The following CELF2 variants were observed in gnomAD, a reference collection of about 807,000 sequenced individuals.
CELF2 encodes CUGBP Elav-like family member 2, also known as CUG triplet repeat RNA-binding protein 2.
CELF2 carries 8 observed loss-of-function variants against 62.6 expected under a neutral mutation model. The observed-to-expected ratio is 0.13, with a 90% CI of 0.07 to 0.23. The LOEUF (loss-of-function observed/expected upper bound fraction) is 0.23. Among genes scored for constraint, CELF2 ranks in the 10% least tolerant of loss-of-function variants. CELF2 has a pLI of 1.00. For missense variants in CELF2, 333 were observed against 671.0 expected (o/e 0.50, Z 5.56); for synonymous variants, 258 against 250.0 (o/e 1.03, Z -0.30).
intron 1 of CELF2, among the ~76,000 whole-genome samples, chr10:10,845,030 G>C (rs1327909614): frequency 1.3e-5 from 2 of 152,110 alleles, no homozygotes; most frequent in African/African-American, 2.4e-5. Context: ...CTCAAGGACA[G>C]GAATGGGCTT....
At chr10:10,899,357 T>A (rs1379612305) in intron 1 of CELF2, among the ~76,000 whole-genome samples, 2 of 152,110 alleles carry the variant, frequency 1.3e-5, no homozygotes, top group African/African-American at 4.8e-5. Context: ...GCACAGTTTA[T>A]GAATATAGAA....
In CELF2 at chr10:11,290,839, A is replaced by C. The variant is rs1256250183; in HGVS notation, c.976+2287A>C. Among the ~76,000 whole-genome samples the C allele has an allele frequency of 6.6e-6, 1 of 152,224 alleles. No individual in the cohort carries two copies. Among genetic ancestry groups the C allele is most frequent in the Non-Finnish European group, 1.5e-5 (1 of 68,048 alleles). ...TAATAACTGAAAGTATTTTATTAGA[A>C]TCCTAAAGTGTAGCAGCAGCAATGA... is the stretch of plus-strand genomic sequence containing the variant. On this transcript the variant is annotated intron_variant, in intron 9 of 12. Coordinates refer to ENST00000633077, the MANE Select transcript of CELF2 (RefSeq NM_001326342.2). The surrounding 1 kb of genome is among the most constrained non-coding windows in gnomAD (Gnocchi z 4.3).
chr10:11,140,704 T>G, intron 1 of CELF2, among the ~76,000 whole-genome samples: 1 of 152,178 alleles, frequency 6.6e-6, no homozygotes, highest in East Asian at 1.9e-4. Context: ...TTTAGGATAG[T>G]GCCAGTCACT....
chr10:11,190,250 C>T (rs1045383538), intron 2 of CELF2, among the ~76,000 whole-genome samples: 43 of 152,180 alleles, frequency 2.8e-4, no homozygotes, highest in Non-Finnish European at 4.3e-4. Context: ...GCAATCCATA[C>T]ATGCCCATTC....
chr10:10,675,509 T>C, the CELF2 span, among the ~76,000 whole-genome samples: 1 of 152,144 alleles, frequency 6.6e-6, no homozygotes, highest in South Asian at 2.1e-4. Context: ...GATCTGTGGT[T>C]TGGTGTCTGA....
chr10:11,047,389 C>T (rs933243146), intron 1 of CELF2, among the ~76,000 whole-genome samples: 6 of 152,090 alleles, frequency 3.9e-5, no homozygotes, highest in African/African-American at 1.2e-4. Context: ...TTAGTGAACT[C>T]GGGTTTAAGC....
chr10:10,525,921 G>A, the CELF2 span, among the ~76,000 whole-genome samples: 3 of 152,156 alleles, frequency 2.0e-5, no homozygotes, highest in African/African-American at 4.8e-5. Context: ...CATAATGGCT[G>A]TACTAGTTTA....
chr10:11,043,265 C>T (rs919568722), intron 1 of CELF2, among the ~76,000 whole-genome samples: 1 of 152,210 alleles, frequency 6.6e-6, no homozygotes, highest in African/African-American at 2.4e-5. Flanking sequence ...GGGTATTAGG[C>T]AGGGCCAGGG....
chr10:10,999,213 C>T (rs867253695), intron 2 of CELF2, among the ~76,000 whole-genome samples: 8 of 152,244 alleles, frequency 5.3e-5, no homozygotes, highest in South Asian at 4.1e-4. Context: ...GACTAGGTAA[C>T]GCACAGGAAG....
the CELF2 span, among the ~76,000 whole-genome samples, chr10:10,669,850 G>C: frequency 6.7e-6 from 1 of 148,278 alleles, no homozygotes; most frequent in Non-Finnish European, 1.5e-5. Flanking sequence ...ATTGCTTTTT[G>C]TGTTTGATTG....
intron 2 of CELF2, among the ~76,000 whole-genome samples, chr10:10,960,941 G>T (rs1336914437): frequency 1.3e-5 from 2 of 152,220 alleles, no homozygotes; most frequent in Admixed American, 1.3e-4. Context: ...ATTTCTCAAA[G>T]TCCAGCATTC....
chr10:10,959,147 T>C (rs2049212256), intron 2 of CELF2, among the ~76,000 whole-genome samples: 1 of 151,990 alleles, frequency 6.6e-6, no homozygotes, highest in Non-Finnish European at 1.5e-5. Context: ...CTACCAAGCA[T>C]GGTGGTAGCT....
At chr10:10,718,523 C>A in the CELF2 span, among the ~76,000 whole-genome samples, 2 of 149,882 alleles carry the variant, frequency 1.3e-5, no homozygotes, top group South Asian at 4.2e-4. Flanking sequence ...ACTTGGGAGG[C>A]GGAGACAGGA....
chr10:10,898,460 C>T (rs1660492354), intron 1 of CELF2, among the ~76,000 whole-genome samples: 1 of 152,144 alleles, frequency 6.6e-6, no homozygotes, highest in Non-Finnish European at 1.5e-5. Flanking sequence ...CAAAAGTAAG[C>T]TGGAGTGGCT....
At chr10:10,796,002 T>C (rs1304364909), upstream of CELF2, among the ~76,000 whole-genome samples, 3 of 152,064 alleles carry the variant, frequency 2.0e-5, no homozygotes, top group African/African-American at 7.2e-5. Context: ...AATTGTTATA[T>C]TTTAGTTGTT....
At chr10:10,584,891 G>T in the CELF2 span, among the ~76,000 whole-genome samples, 1 of 152,164 alleles carries the variant, frequency 6.6e-6, no homozygotes, top group Non-Finnish European at 1.5e-5. Flanking sequence ...GCCCCATGTG[G>T]CTGGAGGCTA....
chr10:10,851,978 G>T (rs960467847), intron 1 of CELF2, among the ~76,000 whole-genome samples: 13 of 152,206 alleles, frequency 8.5e-5, no homozygotes, highest in African/African-American at 3.1e-4. Context: ...GGAGGGACTG[G>T]AAAGCCCATA....
rs765304659 is a variant in CELF2 at position 11,250,441 on chromosome 10, T to C, written c.403+1240T>C. Reference sequence around the variant, plus strand: ...GCACTTTACTTAGGGTTAATTCGTTTTTTTCTCTACTGCTTTATCACAAAC... The same window carrying C: ...GCACTTTACTTAGGGTTAATTCGTTCTTTTCTCTACTGCTTTATCACAAAC... On this transcript the variant is annotated intron_variant, in intron 4 of 12. Transcript: ENST00000633077. 3.3e-4 allele frequency among the ~76,000 whole-genome samples: 50 copies of C among 152,238 alleles called. 1 individual carries two copies. The highest frequency in any genetic ancestry group is 5.9e-5 in the Non-Finnish European group (4 of 68,038).
chr10:10,600,462 T>C, the CELF2 span, among the ~76,000 whole-genome samples: 1 of 152,318 alleles, frequency 6.6e-6, no homozygotes, highest in Non-Finnish European at 1.5e-5. Context: ...GGATACAATT[T>C]GGATCAAAAC....
Sources: allele counts gnomAD v4.1 joint callset (sites outside exome capture counted in the v4.1 genomes callset), GRCh38; gene constraint gnomAD v4.1.1; non-coding constraint Gnocchi (gnomAD v3.1); transcripts MANE v1.5; gene names NCBI Gene and HGNC (gene_info 2026-07-23, HGNC 2026-07-21).